Variants in KCNIP4 observed in about 807,000 individuals in gnomAD.
The protein encoded by KCNIP4 is potassium voltage-gated channel interacting protein 4.
In KCNIP4, 12 loss-of-function variants were observed where a neutral mutation model predicts 34.0. The observed-to-expected ratio is 0.35, with a 90% confidence interval of 0.23 to 0.57. KCNIP4 has a LOEUF of 0.57. KCNIP4 is among the 20% of genes least tolerant of loss of function. The pLI is 0.83. For missense variants in KCNIP4, 238 were observed against 311.7 expected (o/e 0.76, Z 1.78); for synonymous variants, 124 against 102.2 (o/e 1.21, Z -1.29).
intron 1 of KCNIP4, among the ~76,000 whole-genome samples, chr4:21,281,947 A>G (rs1248202816): frequency 6.6e-6 from 1 of 152,186 alleles, no homozygotes; most frequent in Non-Finnish European, 1.5e-5. Context: ...GTCTTGCACA[A>G]CCCCTTCATC....
At chr4:21,767,112 G>T (rs1718469790) in intron 1 of KCNIP4, among the ~76,000 whole-genome samples, 1 of 152,246 alleles carries the variant, frequency 6.6e-6, no homozygotes, top group African/African-American at 2.4e-5. Context: ...AAGAGAACTA[G>T]GGAGAAGACT....
At chr4:21,857,904 G>A (rs1724854242) in intron 1 of KCNIP4, among the ~76,000 whole-genome samples, 1 of 152,160 alleles carries the variant, frequency 6.6e-6, no homozygotes, top group African/African-American at 2.4e-5. Flanking sequence ...CCTCTTTGGG[G>A]TTCTGCAGTT....
At chr4:20,832,232 G>T (rs1434770279) in intron 3 of KCNIP4, among the ~76,000 whole-genome samples, 1 of 151,894 alleles carries the variant, frequency 6.6e-6, no homozygotes, top group African/African-American at 2.4e-5. Flanking sequence ...AGATTTTACG[G>T]TCTCTTTATG....
intron 1 of KCNIP4, among the ~76,000 whole-genome samples, chr4:20,956,024 C>T (rs559583595): frequency 1.3e-5 from 2 of 152,320 alleles, no homozygotes; most frequent in South Asian, 2.1e-4. Context: ...TTGACACTTA[C>T]TGACCTTCTA....
intron 1 of KCNIP4, among the ~76,000 whole-genome samples, chr4:21,005,230 G>T (rs963584676): frequency 1.3e-5 from 2 of 152,192 alleles, no homozygotes; most frequent in African/African-American, 4.8e-5. Context: ...GAAAGGCCAC[G>T]AGTTTCCCCT....
intron 1 of KCNIP4, among the ~76,000 whole-genome samples, chr4:21,732,849 A>G (rs1257950346): frequency 6.6e-6 from 1 of 152,116 alleles, no homozygotes; most frequent in African/African-American, 2.4e-5. Context: ...GAGAAATACA[A>G]TTTCAAAATT....
intron 1 of KCNIP4, among the ~76,000 whole-genome samples, chr4:21,625,055 A>T (rs746753141): frequency 6.6e-6 from 1 of 152,106 alleles, no homozygotes; most frequent in African/African-American, 2.4e-5. Context: ...AGCACAGCAA[A>T]CCAACAGTGC....
chr4:20,815,881 G>C (rs546311306), intron 3 of KCNIP4, among the ~76,000 whole-genome samples: 74 of 152,212 alleles, frequency 4.9e-4, no homozygotes, highest in African/African-American at 1.8e-3. Context: ...CTTTCTCAAG[G>C]TTCCCAGTTT....
At chr4:20,918,410 G>T (rs1210806962) in intron 1 of KCNIP4, among the ~76,000 whole-genome samples, 2 of 152,114 alleles carry the variant, frequency 1.3e-5, no homozygotes, top group African/African-American at 4.8e-5. Flanking sequence ...AGATACAGGA[G>T]CAGATCCAAG....
At chr4:20,821,709 A>G (rs1455753452) in intron 3 of KCNIP4, among the ~76,000 whole-genome samples, 1 of 151,862 alleles carries the variant, frequency 6.6e-6, no homozygotes, top group East Asian at 1.9e-4. Flanking sequence ...CTTAGCTCCC[A>G]TTTATAAGTG....
intron 1 of KCNIP4, among the ~76,000 whole-genome samples, chr4:21,797,076 G>A (rs1720673813): frequency 6.6e-6 from 1 of 152,094 alleles, no homozygotes; most frequent in Admixed American, 6.6e-5. Context: ...CTTCTCAACT[G>A]CATCCTTTGA....
intron 1 of KCNIP4, among the ~76,000 whole-genome samples, chr4:21,024,645 T>C (rs917740370): frequency 2.0e-5 from 3 of 152,206 alleles, no homozygotes; most frequent in African/African-American, 7.2e-5. Flanking sequence ...AGTCTATTAT[T>C]CTCTGTACTA....
intron 1 of KCNIP4, among the ~76,000 whole-genome samples, chr4:21,830,253 C>G (rs190487315): frequency 9.7e-4 from 148 of 152,124 alleles, no homozygotes; most frequent in African/African-American, 3.5e-3. Flanking sequence ...AAAGGTTATT[C>G]TAGTATAAAA....
intron 3 of KCNIP4, among the ~76,000 whole-genome samples, chr4:20,836,288 G>A (rs1719032334): frequency 2.0e-5 from 3 of 152,074 alleles, no homozygotes; most frequent in Admixed American, 6.6e-5. Context: ...ACCCTTTCCT[G>A]CCTTAGGGCT....
chr4:20,795,023 G>T (rs1214718271), intron 3 of KCNIP4, among the ~76,000 whole-genome samples: 1 of 152,110 alleles, frequency 6.6e-6, no homozygotes, highest in African/African-American at 2.4e-5. Flanking sequence ...TGGGACTTTT[G>T]CAGTAATTTA....
chr4:21,617,321 G>A (rs1744673621), intron 1 of KCNIP4, among the ~76,000 whole-genome samples: 1 of 152,144 alleles, frequency 6.6e-6, no homozygotes, highest in Non-Finnish European at 1.5e-5. Context: ...GAGAATCACA[G>A]AGAAGTGGGT....
chr4:21,224,306 C>T (rs1248131527), intron 1 of KCNIP4, among the ~76,000 whole-genome samples: 1 of 152,088 alleles, frequency 6.6e-6, no homozygotes, highest in Non-Finnish European at 1.5e-5. Flanking sequence ...GTCTTGTAGA[C>T]AGCCATCTTC....
rs933110089 is a variant in KCNIP4 at position 21,081,056 on chromosome 4, T to A, written c.62-198347A>T. 9.2e-5 allele frequency among the ~76,000 whole-genome samples: 14 copies of A among 151,818 alleles called. 1 individual carries two copies. Among genetic ancestry groups the A allele is most frequent in the African/African-American group, 3.4e-4 (14 of 41,224 alleles). On this transcript the variant is annotated intron_variant, in intron 1 of 8. Transcript: ENST00000382152. ...GATCAAGTGTGCTTTTATAAATTAG[T>A]TATTAGCCCATAAACTGTCTTATAT...
At chr4:21,338,615 A>G (rs915722735) in intron 1 of KCNIP4, among the ~76,000 whole-genome samples, 1 of 151,702 alleles carries the variant, frequency 6.6e-6, no homozygotes, top group Admixed American at 6.6e-5. Context: ...TCAAAAAAAA[A>G]ACAAAAAACA....
Sources: allele counts gnomAD v4.1 joint callset (sites outside exome capture counted in the v4.1 genomes callset), GRCh38; gene constraint gnomAD v4.1.1; transcripts MANE v1.5; gene names NCBI Gene and HGNC (gene_info 2026-07-23, HGNC 2026-07-21).